EYS: variants seen among roughly 807,000 people sequenced by gnomAD.
EYS encodes protein eyes shut homolog.
A neutral mutation model predicts 282.1 loss-of-function variants in EYS; 250 were observed. The ratio of observed to expected loss-of-function variants is 0.89; its 90% CI spans 0.80 to 0.98. The LOEUF (loss-of-function observed/expected upper bound fraction) is 0.98. EYS is among the 50% of genes least tolerant of loss of function. EYS has a pLI of 0.00. For synonymous variants in EYS, 1,355 were observed against 1,282.9 expected (o/e 1.06, Z -1.20); for missense variants, 4,016 against 3,709.0 (o/e 1.08, Z -2.15).
At chr6:65,245,545 C>CATATATTGATATATATGAGAAT (rs1767157566) in intron 12 of EYS, among the ~76,000 whole-genome samples, 22 of 152,046 alleles carry the variant, frequency 1.4e-4, no homozygotes, top group Admixed American at 1.4e-3. Flanking sequence ...TTATTATTCT[C>CATATATTGATATATATGAGAAT]ATATCAAGGC....
chr6:65,117,478 A>G (rs903957203), intron 12 of EYS, among the ~76,000 whole-genome samples: 12 of 152,164 alleles, frequency 7.9e-5, no homozygotes, highest in African/African-American at 2.9e-4. Flanking sequence ...TAAAGGGAGT[A>G]ATTTACAGAC....
chr6:64,434,240 G>C lies in EYS; in HGVS notation c.5927+1934C>G, dbSNP rs558125996. Among the ~76,000 whole-genome samples, 41 of 152,130 alleles carry C rather than the reference G, an allele frequency of 2.7e-4. 1 individual carries two copies. The South Asian group carries it at 8.5e-3, about 32-fold the overall frequency. On this transcript the variant is annotated intron_variant, in intron 28 of 42. Coordinates refer to ENST00000503581, the MANE Select transcript of EYS (RefSeq NM_001142800.2). ...AAGAAATCAAACCTGTTGTCATTTTGATCTCAGAATTGTGAGACTAAATTG... is the reference window on the plus strand; with the variant it reads ...AAGAAATCAAACCTGTTGTCATTTTCATCTCAGAATTGTGAGACTAAATTG...
chr6:63,835,294 T>C (rs572208836), intron 36 of EYS, among the ~76,000 whole-genome samples: 1 of 151,326 alleles, frequency 6.6e-6, no homozygotes, highest in Admixed American at 6.6e-5. Context: ...CTATATACTA[T>C]ATACATACAT....
At position 65,330,117 on chromosome 6, in the gene EYS, T is replaced by C. The variant is rs1020422523; in HGVS notation, c.1766+4863A>G. The C allele has an allele frequency of 6.1e-6, 6 of 981,416 alleles. No homozygotes were observed. In the African/African-American group the frequency reaches 8.8e-5, roughly 14 times the overall value. 60.8% of individuals were successfully genotyped at this position (981,416 alleles called of 1,614,324 possible). A position where few individuals can be genotyped will look rare whatever the true frequency, so the allele number is the denominator to read the frequency against. ...ATTACTTTAGTACTTTAAAAATGTG[T>C]TCACTTTCTAAATGAAACAGAAGAA... On this transcript the variant is annotated intron_variant, in intron 11 of 42. Coordinates refer to ENST00000503581, the MANE Select transcript of EYS (RefSeq NM_001142800.2).
At chr6:64,369,425 G>A (rs1004335588) in intron 29 of EYS, among the ~76,000 whole-genome samples, 2 of 152,054 alleles carry the variant, frequency 1.3e-5, no homozygotes, top group Admixed American at 6.6e-5. Context: ...AATTTTAAAA[G>A]TTTTTTCTAA....
intron 2 of EYS, among the ~76,000 whole-genome samples, chr6:65,580,804 T>A (rs1179572693): frequency 6.6e-6 from 1 of 152,062 alleles, no homozygotes; most frequent in African/African-American, 2.4e-5. Context: ...TTTATAATGT[T>A]AAATACTTCA....
At chr6:65,398,166 T>G (rs960293677) in intron 7 of EYS, among the ~76,000 whole-genome samples, 7 of 152,016 alleles carry the variant, frequency 4.6e-5, no homozygotes, top group Non-Finnish European at 8.8e-5. Context: ...AGCCTTTTGA[T>G]GTATGTTTTC....
intron 31 of EYS, among the ~76,000 whole-genome samples, chr6:64,093,870 A>G (rs1398433605): frequency 6.6e-6 from 1 of 152,182 alleles, no homozygotes; most frequent in East Asian, 1.9e-4. Context: ...TTGCCCAGTC[A>G]GTGTGATATT....
At position 65,298,295 on chromosome 6, in the gene EYS, G is replaced by A. The variant is rs572856246; in HGVS notation, c.1767-2176C>T. Among the ~76,000 whole-genome samples the A allele has an allele frequency of 2.8e-4, 43 of 152,062 alleles. 1 individual carries two copies. In the South Asian group the frequency reaches 8.9e-3, roughly 32 times the overall value. On this transcript the variant is annotated intron_variant, in intron 11 of 42. Transcript: ENST00000503581. Reference sequence around the variant, plus strand: ...CAAAAACTGTACTAATTGAAAGAGAGTTTGCCAGTTAACTATTAGGATCTT... The same window carrying A: ...CAAAAACTGTACTAATTGAAAGAGAATTTGCCAGTTAACTATTAGGATCTT...
intron 14 of EYS, among the ~76,000 whole-genome samples, chr6:64,987,656 G>T (rs1770907041): frequency 6.6e-6 from 1 of 151,350 alleles, no homozygotes; most frequent in Admixed American, 6.6e-5. Flanking sequence ...TATTCCCCGT[G>T]TCTCCTTGTG....
At chr6:64,737,012 G>A (rs1263286388) in intron 22 of EYS, among the ~76,000 whole-genome samples, 7 of 152,030 alleles carry the variant, frequency 4.6e-5, no homozygotes, top group Admixed American at 4.6e-4. Context: ...AGTATAGTTT[G>A]CCTTTCAAAT....
At chr6:65,638,834 G>A (rs1273918240) in intron 2 of EYS, among the ~76,000 whole-genome samples, 1 of 152,222 alleles carries the variant, frequency 6.6e-6, no homozygotes, top group Non-Finnish European at 1.5e-5. Context: ...TGGGCAGAAC[G>A]AGCCAGTGGG....
Position 64,135,343 on chromosome 6 carries a change from G to T in EYS, c.6425-53341C>A, listed in dbSNP as rs572076135. 1.1e-4 allele frequency among the ~76,000 whole-genome samples: 17 copies of T among 152,164 alleles called. No individual in the cohort carries two copies. The South Asian group carries it at 2.9e-3, about 26-fold the overall frequency. The stretch of plus-strand genomic sequence containing the variant: ...CATAAACTACTATGAACATTATGCT[G>T]TAGTGTTTAGGTATTACAAGACAAT... On this transcript the variant is annotated intron_variant, in intron 31 of 42. Transcript: ENST00000503581.
At chr6:64,114,773 G>T (rs915723162) in intron 31 of EYS, among the ~76,000 whole-genome samples, 18 of 152,186 alleles carry the variant, frequency 1.2e-4, no homozygotes, top group Non-Finnish European at 2.4e-4. Flanking sequence ...ATGGACCCCA[G>T]TGCCTGTTCC....
chr6:65,426,915 T>C (rs1287354078), intron 5 of EYS, among the ~76,000 whole-genome samples: 1 of 152,106 alleles, frequency 6.6e-6, no homozygotes, highest in Admixed American at 6.6e-5. Context: ...ATTTAAACTT[T>C]ATGGATTTTT....
intron 8 of EYS, among the ~76,000 whole-genome samples, chr6:65,374,163 T>C (rs1249429500): frequency 6.6e-6 from 1 of 152,132 alleles, no homozygotes; most frequent in Non-Finnish European, 1.5e-5. Context: ...TGATTTCTAA[T>C]TTCTGTATTT....
intron 36 of EYS, among the ~76,000 whole-genome samples, chr6:63,810,731 C>G (rs950096771): frequency 1.5e-4 from 23 of 152,192 alleles, no homozygotes; most frequent in African/African-American, 5.5e-4. Flanking sequence ...GTGGGCAAAC[C>G]TCTTCCACCA....
chr6:65,219,552 T>G (rs1230628627), intron 12 of EYS, among the ~76,000 whole-genome samples: 1 of 151,914 alleles, frequency 6.6e-6, no homozygotes, highest in East Asian at 1.9e-4. Context: ...AAATATACCA[T>G]GAGATTTACA....
intron 2 of EYS, among the ~76,000 whole-genome samples, chr6:65,627,929 C>T (rs994959469): frequency 6.6e-6 from 1 of 152,256 alleles, no homozygotes; most frequent in African/African-American, 2.4e-5. Context: ...GGAATGCGAG[C>T]GCACGGCGCA....
Sources: allele counts gnomAD v4.1 joint callset (sites outside exome capture counted in the v4.1 genomes callset), GRCh38; gene constraint gnomAD v4.1.1; transcripts MANE v1.5; gene names NCBI Gene and HGNC (gene_info 2026-07-23, HGNC 2026-07-21).